Variants in SEMA3D observed in about 807,000 individuals in gnomAD.
SEMA3D encodes the protein semaphorin 3D, also known as semaphorin-3D.
Under a neutral mutation model 100.1 loss-of-function variants are expected in SEMA3D, and 84 were observed. The ratio of observed to expected loss-of-function variants is 0.84; its 90% CI spans 0.70 to 1.01. The LOEUF is 1.01. SEMA3D is among the 50% of genes least tolerant of loss of function. The pLI is 0.00. For missense variants in SEMA3D, 875 were observed against 934.1 expected (o/e 0.94, Z 0.82); for synonymous variants, 312 against 320.7 (o/e 0.97, Z 0.29).
chr7:85,248,973 T>C, the SEMA3D span, among the ~76,000 whole-genome samples: 4 of 152,154 alleles, frequency 2.6e-5, no homozygotes, highest in Non-Finnish European at 5.9e-5. Context: ...ATGTAAACTA[T>C]GGACATTGGG....
the SEMA3D span, among the ~76,000 whole-genome samples, chr7:85,213,414 T>G: frequency 6.6e-6 from 1 of 152,082 alleles, no homozygotes; most frequent in East Asian, 1.9e-4. Flanking sequence ...TTCACATCAT[T>G]TATATGTTAT....
At chr7:85,175,299 C>A (rs1369980929) in intron 1 of SEMA3D, among the ~76,000 whole-genome samples, 2 of 152,176 alleles carry the variant, frequency 1.3e-5, no homozygotes, top group South Asian at 4.1e-4. Context: ...TCTAAACAAT[C>A]AACATCCAGA....
At chr7:85,074,496 T>C (rs770029382) in intron 5 of SEMA3D, among the ~76,000 whole-genome samples, 13 of 152,122 alleles carry the variant, frequency 8.5e-5, no homozygotes, top group Admixed American at 2.6e-4. Context: ...ATAAATTTAA[T>C]ATTTGTTTAT....
At chr7:85,231,316 A>G in the SEMA3D span, among the ~76,000 whole-genome samples, 3 of 152,122 alleles carry the variant, frequency 2.0e-5, no homozygotes, top group East Asian at 1.9e-4. Context: ...TTTTCCTGAA[A>G]TGGATATTCC....
intron 2 of SEMA3D, among the ~76,000 whole-genome samples, chr7:85,133,803 TA>T (rs1789789535): frequency 1.3e-5 from 2 of 151,988 alleles, no homozygotes; most frequent in Admixed American, 1.3e-4. Flanking sequence ...GTTGTGAGAA[TA>T]AAATGAAATA....
At chr7:85,226,681 G>C in the SEMA3D span, among the ~76,000 whole-genome samples, 1 of 151,282 alleles carries the variant, frequency 6.6e-6, no homozygotes, top group African/African-American at 2.4e-5. Flanking sequence ...GTAAGATGAG[G>C]ATTTTTTTTT....
At chr7:85,112,645 G>A (rs962145107) in intron 3 of SEMA3D, among the ~76,000 whole-genome samples, 3 of 151,992 alleles carry the variant, frequency 2.0e-5, no homozygotes, top group Non-Finnish European at 4.4e-5. Context: ...AGAGATTCAG[G>A]GTCTGAGCCT....
At chr7:85,056,003 T>C in intron 8 of SEMA3D, 144 bp from the exon 9 acceptor site, 1 of 478,766 alleles carries the variant, frequency 2.1e-6, no homozygotes, top group Non-Finnish European at 3.7e-6. Flanking sequence ...GAGATGTGTA[T>C]ACAAATGAAG....
intron 4 of SEMA3D, among the ~76,000 whole-genome samples, chr7:85,082,197 G>A (rs1299444907): frequency 6.6e-6 from 1 of 152,026 alleles, no homozygotes; most frequent in African/African-American, 2.4e-5. Flanking sequence ...TTTAAATAAC[G>A]TGTTGAGGAC....
intron 1 of SEMA3D, among the ~76,000 whole-genome samples, chr7:85,184,466 C>T (rs1791486323): frequency 1.3e-5 from 2 of 151,734 alleles, no homozygotes; most frequent in South Asian, 4.2e-4. Context: ...TGGGACAATA[C>T]CCATTTATAA....
At position 85,022,480 on chromosome 7, in the gene SEMA3D, C is replaced by G. The variant is rs1428491622; in HGVS notation, c.1325G>C (p.Arg442Thr). 1 of 1,612,560 alleles carries G rather than the reference C, an allele frequency of 6.2e-7. No homozygotes were observed. Among genetic ancestry groups the G allele is most frequent in the Non-Finnish European group, 8.5e-7 (1 of 1,178,968 alleles). The change falls in exon 13 of 19, where the codon AGA (arginine) becomes ACA (threonine). Residue 442 changes from arginine to threonine, a missense_variant. By Grantham distance (71) the Arg-to-Thr change is moderately conservative (BLOSUM62 -1). Coordinates refer to ENST00000284136, the MANE Select transcript of SEMA3D (RefSeq NM_001384900.1). ...TGTCAGTCTGTAATCCACATTGATT[C>G]TCTTGAACGTTGGTCCTCCTGCAAC... Reference protein sequence around the residue: ...YPVAGGPTFKRINVDYRLTQI... With the variant: ...YPVAGGPTFKTINVDYRLTQI...
chr7:85,081,842 G>A (rs1298277915), intron 4 of SEMA3D, among the ~76,000 whole-genome samples: 1 of 152,116 alleles, frequency 6.6e-6, no homozygotes, highest in East Asian at 1.9e-4. Flanking sequence ...TATGTTCAGA[G>A]GTCCATAAGC....
intron 1 of SEMA3D, among the ~76,000 whole-genome samples, chr7:85,180,479 AGAATG>A (rs1011863277): frequency 4.6e-5 from 7 of 152,204 alleles, no homozygotes; most frequent in African/African-American, 1.7e-4. Context: ...TTGACACCAG[AGAATG>A]GTTCACTATT....
chr7:85,076,995 A>T (rs760765390), intron 5 of SEMA3D, among the ~76,000 whole-genome samples: 13 of 151,796 alleles, frequency 8.6e-5, no homozygotes, highest in Non-Finnish European at 1.5e-4. Context: ...AATCCCAGCT[A>T]CTCAGGAGGC....
the SEMA3D span, among the ~76,000 whole-genome samples, chr7:85,206,243 TC>T: frequency 6.6e-6 from 1 of 152,104 alleles, no homozygotes; most frequent in South Asian, 2.1e-4. Flanking sequence ...TCATTCCTTC[TC>T]CCTTCTATTC....
the SEMA3D span, among the ~76,000 whole-genome samples, chr7:85,219,286 G>A: frequency 2.6e-5 from 4 of 152,070 alleles, no homozygotes; most frequent in African/African-American, 9.7e-5. Context: ...GGGGAAAGAA[G>A]AGGTACCTAT....
chr7:85,100,851 GA>G (rs1447185880), intron 3 of SEMA3D, among the ~76,000 whole-genome samples: 1 of 151,814 alleles, frequency 6.6e-6, no homozygotes, highest in Non-Finnish European at 1.5e-5. Flanking sequence ...TGCTGAAGAA[GA>G]CATGATATTT....
intron 1 of SEMA3D, among the ~76,000 whole-genome samples, chr7:85,175,318 C>A (rs1337450013): frequency 2.0e-5 from 3 of 152,148 alleles, no homozygotes; most frequent in Non-Finnish European, 4.4e-5. Context: ...GAGACTGGGG[C>A]TGGGATAGGG....
At chr7:85,081,362 G>T (rs1788059173) in intron 5 of SEMA3D, among the ~76,000 whole-genome samples, 155 bp downstream of exon 5, 1 of 152,066 alleles carries the variant, frequency 6.6e-6, no homozygotes, top group South Asian at 2.1e-4. Context: ...GTAAGATAGA[G>T]ATATTTTATT....
Sources: gnomAD v4.1 joint callset for allele counts (sites outside exome capture counted in the v4.1 genomes callset) on GRCh38, gnomAD v4.1.1 for gene constraint, MANE v1.5 for transcripts, NCBI Gene and HGNC (gene_info 2026-07-23, HGNC 2026-07-21) for gene names.